Variants in EZH2 observed in about 807,000 individuals in gnomAD.
EZH2 encodes the protein histone-lysine N-methyltransferase EZH2.
EZH2 carries 18 observed loss-of-function variants against 98.4 expected under a neutral mutation model. The ratio of observed to expected loss-of-function variants is 0.18; its 90% confidence interval spans 0.13 to 0.27. The LOEUF (loss-of-function observed/expected upper bound fraction) is 0.27, where lower values mean the gene tolerates loss of function less well. EZH2 is among the 10% of genes least tolerant of loss of function. The pLI, the probability that EZH2 is intolerant of heterozygous loss-of-function variation, is 1.00. For synonymous variants in EZH2, 338 were observed against 312.3 expected, an observed-to-expected ratio of 1.08 and a Z score of -0.87; for missense variants, 470 against 935.1, an observed-to-expected ratio of 0.50 and a Z score of 6.49.
At chr7:148,855,110 A>G (rs1048607940) in intron 1 of EZH2, among the ~76,000 whole-genome samples, 1 of 152,256 alleles carries the variant, frequency 6.6e-6, no homozygotes, top group Non-Finnish European at 1.5e-5. Context: ...TTCAAAACAG[A>G]CAAGATCAGA....
intron 1 of EZH2, among the ~76,000 whole-genome samples, chr7:148,855,276 G>A (rs1020477829): frequency 6.6e-6 from 1 of 152,234 alleles, no homozygotes; most frequent in African/African-American, 2.4e-5. Context: ...TGGGGTAGCA[G>A]CACTCTCTAT....
At chr7:148,816,653 A>C in intron 12 of EZH2, 31 bp downstream of exon 12, 2 of 1,543,092 alleles carry the variant, frequency 1.3e-6, no homozygotes, top group Non-Finnish European at 1.8e-6. Flanking sequence ...ATCTATGTTG[A>C]CTTCTCTAAG....
chr7:148,865,907 A>G (rs1478543426), intron 1 of EZH2, among the ~76,000 whole-genome samples: 1 of 152,176 alleles, frequency 6.6e-6, no homozygotes, highest in Non-Finnish European at 1.5e-5. Flanking sequence ...AGTTCTGTAT[A>G]TGCCACAGCC....
chr7:148,825,004 T>TA (rs1217845707), intron 8 of EZH2, among the ~76,000 whole-genome samples: 1 of 152,104 alleles, frequency 6.6e-6, no homozygotes, highest in Non-Finnish European at 1.5e-5. Context: ...AATGGCACAA[T>TA]AAAAAACTTG....
At chr7:148,808,200 G>A (rs960850320) in intron 19 of EZH2, among the ~76,000 whole-genome samples, 2 of 152,222 alleles carry the variant, frequency 1.3e-5, no homozygotes, top group Admixed American at 1.3e-4. Flanking sequence ...ACCATGGGGG[G>A]TGAGGCCACC....
Position 148,835,750 on chromosome 7 carries a change from C to CTCT in EZH2, c.247-3003_247-3001dup, listed in dbSNP as rs1489914658. 5.3e-5 allele frequency among the ~76,000 whole-genome samples: 8 copies of CTCT among 152,252 alleles called. No homozygotes were observed. The East Asian group carries it at 1.3e-3, about 26-fold the overall frequency. On this transcript the variant is annotated intron_variant, in intron 3 of 19. Coordinates refer to ENST00000320356, the MANE Select transcript of EZH2 (RefSeq NM_004456.5). ...GAAAGCTTAATGGGGAGTGGGCTGC[C>CTCT]TCTCCGACTGACTTATTCACCTGCT...
intron 8 of EZH2, 57 bp downstream of exon 8, chr7:148,826,397 C>T: frequency 7.6e-7 from 1 of 1,315,700 alleles, no homozygotes. Context: ...AATGATAGCA[C>T]TCTCCAAGCT....
chr7:148,814,443 C>T (rs1270359862), intron 14 of EZH2, among the ~76,000 whole-genome samples: 1 of 151,970 alleles, frequency 6.6e-6, no homozygotes, highest in Admixed American at 6.5e-5. Flanking sequence ...TCCAATAGCC[C>T]CTAGTTCTAA....
At chr7:148,833,020 T>A (rs532125941) in intron 3 of EZH2, among the ~76,000 whole-genome samples, 1 of 152,232 alleles carries the variant, frequency 6.6e-6, no homozygotes, top group East Asian at 1.9e-4. Flanking sequence ...ACTGTACTTA[T>A]ATGAGATTCA....
chr7:148,826,149 C>T (rs1807631456), intron 8 of EZH2, among the ~76,000 whole-genome samples: 1 of 151,782 alleles, frequency 6.6e-6, no homozygotes, highest in Non-Finnish European at 1.5e-5. Flanking sequence ...TTGCTCTGGG[C>T]TACCAGTTCA....
At chr7:148,810,435 G>GA in intron 16 of EZH2, 21 bp from the exon 17 acceptor site, 1 of 1,568,206 alleles carries the variant, frequency 6.4e-7, no homozygotes, top group South Asian at 1.1e-5. Flanking sequence ...AGACACAGGA[G>GA]AAAATTCTTT....
chr7:148,842,125 A>G (rs1034135717), intron 3 of EZH2, among the ~76,000 whole-genome samples: 1 of 152,202 alleles, frequency 6.6e-6, no homozygotes, highest in Non-Finnish European at 1.5e-5. Flanking sequence ...CTCTTACAAG[A>G]ACATTATATT....
intron 6 of EZH2, among the ~76,000 whole-genome samples, chr7:148,827,596 G>C (rs539456857): frequency 6.6e-6 from 1 of 152,298 alleles, no homozygotes; most frequent in East Asian, 1.9e-4. Context: ...AAATGAAGGA[G>C]CTGAACTAGA....
intron 1 of EZH2, among the ~76,000 whole-genome samples, chr7:148,882,260 G>T (rs1249839686): frequency 2.0e-5 from 3 of 152,128 alleles, no homozygotes; most frequent in African/African-American, 7.2e-5. Flanking sequence ...TAAGTTAGCA[G>T]ATGCACATTA....
At chr7:148,860,699 G>C (rs1817542103) in intron 1 of EZH2, among the ~76,000 whole-genome samples, 1 of 151,970 alleles carries the variant, frequency 6.6e-6, no homozygotes, top group South Asian at 2.1e-4. Flanking sequence ...TTTGAGACAA[G>C]GTCTCACTCT....
intron 3 of EZH2, among the ~76,000 whole-genome samples, chr7:148,833,893 C>T (rs1284741895): frequency 1.3e-5 from 2 of 152,288 alleles, no homozygotes; most frequent in South Asian, 2.1e-4. Flanking sequence ...CCCTGCTCTT[C>T]CCGCTCCTTA....
At chr7:148,811,202 C>CA (rs1802977416) in intron 16 of EZH2, among the ~76,000 whole-genome samples, 1 of 152,136 alleles carries the variant, frequency 6.6e-6, no homozygotes, top group Non-Finnish European at 1.5e-5. Context: ...AGTGCAGTGG[C>CA]ACAAACATGG....
chr7:148,873,312 T>C (rs1819682275), intron 1 of EZH2, among the ~76,000 whole-genome samples: 2 of 151,918 alleles, frequency 1.3e-5, no homozygotes, highest in Non-Finnish European at 2.9e-5. Flanking sequence ...GCCAACATAG[T>C]GAAACCCCAT....
intron 17 of EZH2, among the ~76,000 whole-genome samples, chr7:148,809,986 C>A (rs545140130): frequency 6.6e-6 from 1 of 152,366 alleles, no homozygotes; most frequent in Admixed American, 6.5e-5. Context: ...TCCTCCCCTC[C>A]TTCCCCGCTC....
Sources: gnomAD v4.1 joint callset for allele counts (sites outside exome capture counted in the v4.1 genomes callset) on GRCh38, gnomAD v4.1.1 for gene constraint, MANE v1.5 for transcripts, NCBI Gene and HGNC (gene_info 2026-07-23, HGNC 2026-07-21) for gene names.